PCDHA5: variants seen among roughly 807,000 people sequenced by gnomAD.
PCDHA5 encodes protocadherin alpha 5.
Under a neutral mutation model 61.6 loss-of-function variants are expected in PCDHA5, and 43 were observed. The observed-to-expected ratio is 0.70, with a 90% CI of 0.55 to 0.90. PCDHA5 has a LOEUF of 0.90. Ranked by LOEUF, PCDHA5 falls within the 40% of genes least tolerant of loss-of-function variation. The pLI, the probability that PCDHA5 is intolerant of heterozygous loss-of-function variation, is 0.00. For synonymous variants in PCDHA5, 627 were observed against 543.9 expected (o/e 1.15, Z -2.13); for missense variants, 1,298 against 1,222.7 (o/e 1.06, Z -0.92).
intron 1 of PCDHA5, among the ~76,000 whole-genome samples, chr5:140,959,250 G>A (rs2095476529): frequency 6.6e-6 from 1 of 152,030 alleles, no homozygotes. Context: ...GATAGTGCAT[G>A]ACTGTAGTCC....
intron 1 of PCDHA5, among the ~76,000 whole-genome samples, chr5:140,846,410 T>C (rs1476345835): frequency 7.2e-6 from 1 of 138,236 alleles, no homozygotes; most frequent in Non-Finnish European, 1.6e-5. Flanking sequence ...AGTCTCGCTC[T>C]ATCTCCCAGG....
chr5:140,877,161 G>C (rs2056901330), intron 1 of PCDHA5: 1 of 1,613,828 alleles, frequency 6.2e-7, no homozygotes, highest in Non-Finnish European at 8.5e-7. Context: ...ACAACGCGCC[G>C]GCACTGCTGG....
intron 1 of PCDHA5, among the ~76,000 whole-genome samples, chr5:140,945,576 T>G (rs1383348275): frequency 6.6e-6 from 1 of 152,064 alleles, no homozygotes; most frequent in African/African-American, 2.4e-5. Context: ...ACTACCTGGC[T>G]TCAAAATATA....
At chr5:140,961,888 T>C (rs1361187779) in intron 1 of PCDHA5, among the ~76,000 whole-genome samples, 8 of 124,918 alleles carry the variant, frequency 6.4e-5, no homozygotes, top group Non-Finnish European at 9.4e-5. Context: ...CTTACATCAG[T>C]TTTTTTTTTT....
intron 3 of PCDHA5, among the ~76,000 whole-genome samples, chr5:140,996,819 C>T (rs1446677147): frequency 6.6e-6 from 1 of 152,142 alleles, no homozygotes; most frequent in East Asian, 1.9e-4. Context: ...CAAAAGTAAC[C>T]ACTACCAATA....
intron 1 of PCDHA5, chr5:140,967,752 C>T: frequency 1.2e-6 from 2 of 1,614,194 alleles, no homozygotes; most frequent in Middle Eastern, 1.6e-4. Context: ...GAGGAAGCCT[C>T]CTCCTACCAG....
At chr5:140,856,596 A>G in intron 1 of PCDHA5, 1 of 1,597,802 alleles carries the variant, frequency 6.3e-7, no homozygotes, top group Non-Finnish European at 8.6e-7. Flanking sequence ...GATATTATAA[A>G]CAAAAAAGAC....
Position 140,843,466 on chromosome 5 carries a change from G to T in PCDHA5, c.2352+19339G>T. ...TATCCAGCCTGCTGGTGCTCACGCT[G>T]CTGCTGTACACTGCGCTGCGGTGCT... On this transcript the variant is annotated intron_variant, in intron 1 of 3. Coordinates refer to ENST00000529859, the MANE Select transcript of PCDHA5 (RefSeq NM_018908.3). 2 of 1,596,074 alleles carry T rather than the reference G, an allele frequency of 1.3e-6. 1 individual carries two copies.
Position 140,822,061 on chromosome 5 carries a change from C to G in PCDHA5, c.286C>G (p.Arg96Gly), listed in dbSNP as rs2150113317. The G allele has an allele frequency of 1.9e-6, 3 of 1,614,168 alleles. No individual in the cohort carries two copies. The highest frequency in any genetic ancestry group is 2.2e-5 in the East Asian group (1 of 44,886). Residue 96 changes from arginine (R) to glycine (G), a missense_variant, in exon 1 of 4, where the codon CGG becomes GGG. Physicochemically the swap from Arg to Gly is moderately radical, Grantham distance 125. Coordinates refer to ENST00000529859, the MANE Select transcript of PCDHA5 (RefSeq NM_018908.3). ...NSRIDREELC[R>G]RRAECSIHLE... Reference sequence around the variant, plus strand: ...TCGGATCGACCGGGAGGAGCTGTGCCGGCGGAGGGCGGAGTGCAGCATCCA... The same window carrying G: ...TCGGATCGACCGGGAGGAGCTGTGCGGGCGGAGGGCGGAGTGCAGCATCCA...
Position 140,837,042 on chromosome 5 carries a change from A to G in PCDHA5, c.2352+12915A>G, listed in dbSNP as rs188335781. 9.1e-5 allele frequency: 19 copies of G among 209,806 alleles called. No homozygotes were observed. In the Admixed American group the frequency reaches 9.5e-4, roughly 10 times the overall value. 13.0% of individuals were successfully genotyped at this position (209,806 alleles called of 1,614,324 possible). ...CTTCTATAGTGTATTTACAAAATCA[A>G]ATATTTACATTTCCATATTTTGATA... On this transcript the variant is annotated intron_variant, in intron 1 of 3. Coordinates refer to ENST00000529859, the MANE Select transcript of PCDHA5 (RefSeq NM_018908.3).
At chr5:140,892,158 T>C (rs1442080527) in intron 1 of PCDHA5, among the ~76,000 whole-genome samples, 1 of 152,242 alleles carries the variant, frequency 6.6e-6, no homozygotes, top group Non-Finnish European at 1.5e-5. Context: ...ATTTCTGATA[T>C]GTCCAGTAAC....
chr5:140,875,741 T>A lies in PCDHA5; in HGVS notation c.2352+51614T>A, dbSNP rs781967971. On this transcript the variant is annotated intron_variant, in intron 1 of 3. Transcript: ENST00000529859. ...GGCATTTTGTTTGTGAATTCTCGGA[T>A]CGACCGCGAGAAGCTGTGCGGGCGG... 1.7e-5 allele frequency: 28 copies of A among 1,614,216 alleles called. No individual in the cohort carries two copies. Among genetic ancestry groups the A allele is most frequent in the Non-Finnish European group, 2.2e-5 (26 of 1,180,032 alleles).
At chr5:140,868,823 G>A (rs576498570) in intron 1 of PCDHA5, 4 of 397,532 alleles carry the variant, frequency 1.0e-5, no homozygotes, top group South Asian at 6.7e-5. Context: ...ATATTTGGGG[G>A]AAGAAACCCA....
At chr5:140,957,780 G>A (rs2095383354) in intron 1 of PCDHA5, among the ~76,000 whole-genome samples, 1 of 152,020 alleles carries the variant, frequency 6.6e-6, no homozygotes, top group Non-Finnish European at 1.5e-5. Context: ...TAAAAACTAA[G>A]TTCATCATAT....
intron 1 of PCDHA5, chr5:140,830,909 C>T (rs1213244492): frequency 6.6e-6 from 1 of 152,304 alleles, no homozygotes; most frequent in African/African-American, 2.4e-5. Flanking sequence ...TTTACACTTT[C>T]CATTTCAATG....
intron 1 of PCDHA5, chr5:140,850,823 TTC>T (rs1310925868): frequency 6.3e-7 from 1 of 1,598,142 alleles, no homozygotes; most frequent in African/African-American, 1.3e-5. Flanking sequence ...GCCCGGGCCT[TTC>T]TCCTTGTGCT....
Position 141,009,778 on chromosome 5 carries a change from C to T in PCDHA5, c.2652C>T (p.Ser884=). Residue 884 remains serine, a synonymous_variant, in exon 4 of 4, where the codon TCC becomes TCT. Transcript: ENST00000529859. ...FIIPGSPAII[S]IRQEPTNSQI... ...TCCCAGGATCTCCTGCAATCATCTCCATCCGGCAGGAGCCTACTAACAGCC... is the reference window on the plus strand; with the variant it reads ...TCCCAGGATCTCCTGCAATCATCTCTATCCGGCAGGAGCCTACTAACAGCC... 1.2e-6 allele frequency: 2 copies of T among 1,614,122 alleles called. No homozygotes were observed.
Position 140,883,261 on chromosome 5 carries a change from G to A in PCDHA5, c.2352+59134G>A, listed in dbSNP as rs148578758. The A allele has an allele frequency of 8.1e-5, 131 of 1,613,912 alleles. No individual in the cohort carries two copies. In the African/African-American group the frequency reaches 1.7e-3, roughly 21 times the overall value. On this transcript the variant is annotated intron_variant, in intron 1 of 3. Transcript: ENST00000529859. Reference sequence around the variant, plus strand: ...TTGACAAAGGAAATATTCCAATGGCGGGTCATTGTACCCTTTTGGTGGAAG... The same window carrying A: ...TTGACAAAGGAAATATTCCAATGGCAGGTCATTGTACCCTTTTGGTGGAAG...
At chr5:140,997,668 TTGTGTGTGTGTG>T (rs35184029) in intron 3 of PCDHA5, among the ~76,000 whole-genome samples, 3 of 148,244 alleles carry the variant, frequency 2.0e-5, no homozygotes, top group South Asian at 2.2e-4. Context: ...ATTATACAGC[TTGTGTGTGTGTG>T]TGTGTGTGTG....
Sources: gnomAD v4.1 joint callset for allele counts (sites outside exome capture counted in the v4.1 genomes callset) on GRCh38, gnomAD v4.1.1 for gene constraint, MANE v1.5 for transcripts, NCBI Gene and HGNC (gene_info 2026-07-23, HGNC 2026-07-21) for gene names.